EDDM3A: variants seen among roughly 807,000 people sequenced by gnomAD.
The protein encoded by EDDM3A is epididymal protein 3A, also known as epididymal secretory protein E3-alpha.
For missense variants in EDDM3A, 199 were observed against 177.4 expected, an observed-to-expected ratio of 1.12 and a Z score of -0.69; for synonymous variants, 75 against 60.4, an observed-to-expected ratio of 1.24 and a Z score of -1.12.
chr14:20,745,588 G>C (rs115655569), upstream of EDDM3A, among the ~76,000 whole-genome samples: 1,960 of 151,860 alleles, frequency 0.013, 33 homozygotes, highest in African/African-American at 0.045. Flanking sequence ...TAACCCTCCA[G>C]GGACTTCCCC....
the EDDM3A span, among the ~76,000 whole-genome samples, chr14:20,738,504 A>AATAAATAC: frequency 1.8e-4 from 26 of 147,618 alleles, no homozygotes; most frequent in Non-Finnish European, 3.9e-4. Flanking sequence ...TAAATAAATA[A>AATAAATAC]ATAAACAGTA....
intron 1 of EDDM3A, 45 bp from the exon 2 acceptor site, chr14:20,747,510 C>T (rs1170947107): frequency 1.2e-5 from 15 of 1,256,878 alleles, no homozygotes; most frequent in Non-Finnish European, 1.7e-5. Context: ...GAGCTCAGCT[C>T]TCTGAGTATA....
At chr14:20,741,030 C>T (rs897674844), upstream of EDDM3A, among the ~76,000 whole-genome samples, 70 of 152,144 alleles carry the variant, frequency 4.6e-4, no homozygotes, top group African/African-American at 1.6e-3. Context: ...AACAGTATTG[C>T]TACCTATTGA....
At chr14:20,742,715 T>C (rs935137774), upstream of EDDM3A, among the ~76,000 whole-genome samples, 9 of 152,216 alleles carry the variant, frequency 5.9e-5, no homozygotes, top group Non-Finnish European at 1.2e-4. Context: ...GTTTCCCAAG[T>C]AGCTGAGGTT....
upstream of EDDM3A, among the ~76,000 whole-genome samples, chr14:20,741,387 G>A (rs867107057): frequency 6.6e-6 from 1 of 152,314 alleles, no homozygotes; most frequent in Non-Finnish European, 1.5e-5. Flanking sequence ...GTCTCAAATG[G>A]TAGAAACAAG....
the EDDM3A span, among the ~76,000 whole-genome samples, chr14:20,740,083 C>T: frequency 2.0e-5 from 3 of 152,186 alleles, no homozygotes; most frequent in East Asian, 5.8e-4. Context: ...TACACTTCAG[C>T]CGCTGTCCAG....
chr14:20,741,948 A>G (rs1877447297), upstream of EDDM3A, among the ~76,000 whole-genome samples: 1 of 152,246 alleles, frequency 6.6e-6, no homozygotes, highest in Non-Finnish European at 1.5e-5. Flanking sequence ...TAAAAGAACC[A>G]TTCCTGCAAC....
At chr14:20,743,165 G>A (rs192781416), upstream of EDDM3A, among the ~76,000 whole-genome samples, 12 of 152,340 alleles carry the variant, frequency 7.9e-5, no homozygotes, top group African/African-American at 2.2e-4. Context: ...ACCTATAGAC[G>A]TTGTCATCCC....
chr14:20,745,119 A>T (rs1877542332), upstream of EDDM3A, among the ~76,000 whole-genome samples: 2 of 152,080 alleles, frequency 1.3e-5, no homozygotes, highest in South Asian at 4.1e-4. Flanking sequence ...CCAGCTACTC[A>T]AGAGGCTGAG....
At chr14:20,740,811 G>A in the EDDM3A span, among the ~76,000 whole-genome samples, 3 of 152,106 alleles carry the variant, frequency 2.0e-5, no homozygotes, top group Non-Finnish European at 4.4e-5. Flanking sequence ...ACTTGACCAG[G>A]AGGCCAGGAA....
At position 20,745,980 on chromosome 14, in the gene EDDM3A, G is replaced by C. The variant is rs768482259; in HGVS notation, c.-39G>C. The C allele has an allele frequency of 3.9e-5, 6 of 152,182 alleles. No individual in the cohort carries two copies. The highest frequency in any genetic ancestry group is 8.8e-5 in the Non-Finnish European group (6 of 68,046). 9.4% of individuals were successfully genotyped at this position (152,182 alleles called of 1,614,324 possible). On this transcript the variant is annotated 5_prime_UTR_variant, in exon 1 of 2. Transcript: ENST00000326842. ...CACTACAATCAGTGACCTGAACTCA[G>C]AGTCCAAGTAGGGTAAGAAGGGCTC...
chr14:20,739,278 G>A, the EDDM3A span, among the ~76,000 whole-genome samples: 14 of 152,208 alleles, frequency 9.2e-5, no homozygotes, highest in African/African-American at 3.4e-4. Context: ...TTGTATATCA[G>A]TGGAATGTGA....
Position 20,747,676 on chromosome 14 carries a change from A to C in EDDM3A, c.96A>C (p.Glu32Asp). 1 of 1,614,136 alleles carries C rather than the reference A, an allele frequency of 6.2e-7. No homozygotes were observed. The highest frequency in any genetic ancestry group is 8.5e-7 in the Non-Finnish European group (1 of 1,179,998). ...ACAGTAACAACATTTACTGGAGAGA[A>C]TTCATAAAACTTCATTACTTAAGTC... ...CVYSNNIYWREFIKLHYLSPS... is the reference protein window; with the variant it reads ...CVYSNNIYWRDFIKLHYLSPS... The change falls in exon 2 of 2, where the codon GAA (glutamate) becomes GAC (aspartate). Residue 32 changes from glutamate to aspartate, a missense_variant. Transcript: ENST00000326842.
the EDDM3A span, among the ~76,000 whole-genome samples, chr14:20,737,054 C>CTTTTTTCTTTTTTTTTTTTTTTTTTTT: frequency 1.8e-5 from 2 of 109,962 alleles, no homozygotes; most frequent in African/African-American, 6.2e-5. Flanking sequence ...TTTCTTTTTC[C>CTTTTTTCTTTTTTTTTTTTTTTTTTTT]TTTTTTTTTT....
rs770709746 is a variant in EDDM3A at position 20,747,616 on chromosome 14, G to T, written c.36G>T (p.Leu12Phe). 6.2e-7 allele frequency: 1 copy of T among 1,612,658 alleles called. No homozygotes were observed. Among genetic ancestry groups the T allele is most frequent in the South Asian group, 1.1e-5 (1 of 90,854 alleles). The change falls in exon 2 of 2, where the codon TTG becomes TTT. Residue 12 changes from leucine to phenylalanine, a missense_variant. Leu to Phe is a conservative substitution (Grantham distance 22, BLOSUM62 0). Coordinates refer to ENST00000326842, the MANE Select transcript of EDDM3A (RefSeq NM_006683.5). ...CTCTAAAGATTTGGGGCATACTCTT[G>T]GCCCTGCTTTGCATCCTTTGCAGGC... ...TSSLKIWGIL[L>F]ALLCILCRLC...
At chr14:20,740,964 T>C (rs777022773), upstream of EDDM3A, among the ~76,000 whole-genome samples, 1 of 152,230 alleles carries the variant, frequency 6.6e-6, no homozygotes, top group Non-Finnish European at 1.5e-5. Context: ...GGGCAACCCA[T>C]GGGGCTTATT....
chr14:20,739,982 C>T, the EDDM3A span, among the ~76,000 whole-genome samples: 1 of 152,110 alleles, frequency 6.6e-6, no homozygotes, highest in Non-Finnish European at 1.5e-5. Flanking sequence ...AGTCTGAAGA[C>T]CCCCACCATG....
chr14:20,738,736 A>G, the EDDM3A span, among the ~76,000 whole-genome samples: 2 of 152,188 alleles, frequency 1.3e-5, no homozygotes, highest in Non-Finnish European at 1.5e-5. Context: ...AAACTCAGAG[A>G]GTATCTCACA....
chr14:20,743,985 A>G (rs983584542), upstream of EDDM3A, among the ~76,000 whole-genome samples: 4 of 152,148 alleles, frequency 2.6e-5, no homozygotes, highest in African/African-American at 9.7e-5. Context: ...TTTGAGAAAC[A>G]CTGGCTCATA....
Sources: gnomAD v4.1 joint callset for allele counts (sites outside exome capture counted in the v4.1 genomes callset) on GRCh38, gnomAD v4.1.1 for gene constraint, MANE v1.5 for transcripts, NCBI Gene and HGNC (gene_info 2026-07-23, HGNC 2026-07-21) for gene names.